The following ATXN10 variants were observed in gnomAD, a reference collection of about 807,000 sequenced individuals.
ATXN10 encodes the protein ataxin-10.
A neutral mutation model predicts 52.9 loss-of-function variants in ATXN10; 28 were observed. That is an observed-to-expected ratio of 0.53 (90% CI 0.39 to 0.73). The LOEUF is 0.73. ATXN10 is among the 30% of genes least tolerant of loss of function. ATXN10 has a pLI of 0.00. For missense variants in ATXN10, 565 were observed against 577.0 expected (o/e 0.98, Z 0.21); for synonymous variants, 226 against 221.5 (o/e 1.02, Z -0.18).
chr22:45,832,916 C>A (rs946849509), intron 10 of ATXN10, among the ~76,000 whole-genome samples: 6 of 152,194 alleles, frequency 3.9e-5, no homozygotes, highest in Admixed American at 3.9e-4. Flanking sequence ...ACCAGCATGA[C>A]CACTTGGCTT....
chr22:45,764,234 C>T (rs1485489399), intron 9 of ATXN10, among the ~76,000 whole-genome samples: 5 of 151,772 alleles, frequency 3.3e-5, no homozygotes, highest in African/African-American at 9.7e-5. Flanking sequence ...CGCTACCCCC[C>T]AGCCCCCACC....
chr22:45,755,452 T>C (rs1735542048), intron 9 of ATXN10, among the ~76,000 whole-genome samples: 1 of 152,218 alleles, frequency 6.6e-6, no homozygotes, highest in African/African-American at 2.4e-5. Flanking sequence ...GTGAAGGTTC[T>C]CTGGCCGTTC....
chr22:45,751,346 A>G (rs1421961434), intron 9 of ATXN10, among the ~76,000 whole-genome samples: 2 of 152,194 alleles, frequency 1.3e-5, no homozygotes, highest in South Asian at 4.1e-4. Context: ...TTAAAAGTAA[A>G]ACGTTAGCAT....
At chr22:45,738,579 T>C in intron 7 of ATXN10, 152 bp from the exon 8 acceptor site, 2 of 665,724 alleles carry the variant, frequency 3.0e-6, no homozygotes, top group Non-Finnish European at 5.1e-6. Flanking sequence ...TACTTCTGTT[T>C]TGTTCTTCAT....
chr22:45,694,697 G>C (rs1018289844), intron 3 of ATXN10, among the ~76,000 whole-genome samples: 1 of 151,998 alleles, frequency 6.6e-6, no homozygotes, highest in African/African-American at 2.4e-5. Flanking sequence ...CAGGAGAGTT[G>C]ATTGAACCTA....
chr22:45,791,040 G>A (rs965277920), intron 9 of ATXN10, among the ~76,000 whole-genome samples: 3 of 152,064 alleles, frequency 2.0e-5, no homozygotes, highest in African/African-American at 7.2e-5. Context: ...AAAATTATTT[G>A]TTGAGATGGG....
chr22:45,804,130 C>T (rs1441838151), intron 9 of ATXN10, among the ~76,000 whole-genome samples: 3 of 152,182 alleles, frequency 2.0e-5, no homozygotes, highest in Admixed American at 6.5e-5. Context: ...GTCATATTGT[C>T]GGCAGTTTCT....
chr22:45,672,423 C>T (rs1922498017), intron 1 of ATXN10: 2 of 229,434 alleles, frequency 8.7e-6, no homozygotes, highest in Non-Finnish European at 1.6e-5. Flanking sequence ...GGGTGCGAAG[C>T]CGCGATCCCG....
In ATXN10 at chr22:45,738,839, GGTGA is replaced by G; in HGVS notation, c.1003+5_1003+8del. 1 of 1,610,546 alleles carries G rather than the reference GGTGA, an allele frequency of 6.2e-7. No individual in the cohort carries two copies. Among genetic ancestry groups the G allele is most frequent in the South Asian group, 1.1e-5 (1 of 90,998 alleles). On this transcript the variant is annotated splice_donor_variant and splice_donor_region_variant and intron_variant, in intron 8 of 11. Transcript: ENST00000252934. LOFTEE classifies it high-confidence loss of function. ...CCCTGGCTTGCTGGAAAGAGTGATT[GGTGA>G]GTGAAATATCACACATTGTATTTTT...
At chr22:45,807,069 C>T (rs973373974) in intron 10 of ATXN10, 47 bp downstream of exon 10, 8 of 1,512,072 alleles carry the variant, frequency 5.3e-6, no homozygotes, top group Middle Eastern at 1.7e-4. Flanking sequence ...AGCCGGGGCC[C>T]TTAGCAAAAC....
In ATXN10 at chr22:45,780,046, A is replaced by G. The variant is rs1737727459; in HGVS notation, c.1174-26913A>G. ...GTATTCTACATTCGTGAAATTCCAA[A>G]TAAAAACGCTTATACAAACAAAAAG... On this transcript the variant is annotated intron_variant, in intron 9 of 11. Transcript: ENST00000252934. This position sits in a 1 kb window ranked among gnomAD's most constrained non-coding sequence, Gnocchi z 4.0. Among the ~76,000 whole-genome samples the G allele has an allele frequency of 2.6e-5, 4 of 152,072 alleles. No homozygotes were observed. Among genetic ancestry groups the G allele is most frequent in the Admixed American group, 2.6e-4 (4 of 15,266 alleles).
Position 45,816,422 on chromosome 22 carries a change from T to G in ATXN10, c.1237+9400T>G, listed in dbSNP as rs1928463857. 6.6e-6 allele frequency among the ~76,000 whole-genome samples: 1 copy of G among 152,172 alleles called. No homozygotes were observed. The highest frequency in any genetic ancestry group is 2.1e-4 in the South Asian group (1 of 4,820). ...GGTCATGTATGTCTTCCTCTCAGAG[T>G]TCTTTCTAGATCCCTTCAGTGAGCT... On this transcript the variant is annotated intron_variant, in intron 10 of 11. Coordinates refer to ENST00000252934, the MANE Select transcript of ATXN10 (RefSeq NM_013236.4). This position sits in a 1 kb window ranked among gnomAD's most constrained non-coding sequence, Gnocchi z 5.8.
At chr22:45,743,698 G>A (rs1925624219) in intron 9 of ATXN10, among the ~76,000 whole-genome samples, 1 of 152,130 alleles carries the variant, frequency 6.6e-6, no homozygotes, top group African/African-American at 2.4e-5. Flanking sequence ...AAGACAAAAG[G>A]GACTGATGAT....
At chr22:45,755,093 A>G (rs1926126019) in intron 9 of ATXN10, among the ~76,000 whole-genome samples, 1 of 152,192 alleles carries the variant, frequency 6.6e-6, no homozygotes, top group Admixed American at 6.5e-5. Context: ...TGTGCTGGTC[A>G]CATGTGTGGC....
intron 9 of ATXN10, among the ~76,000 whole-genome samples, chr22:45,778,992 G>A (rs920216199): frequency 6.6e-6 from 1 of 152,062 alleles, no homozygotes; most frequent in Non-Finnish European, 1.5e-5. Context: ...ATGAGTTGGG[G>A]AAAATAATTT....
intron 9 of ATXN10, among the ~76,000 whole-genome samples, chr22:45,758,457 T>G (rs1170811155): frequency 6.6e-6 from 1 of 152,244 alleles, no homozygotes; most frequent in African/African-American, 2.4e-5. Context: ...TAATTCTTTT[T>G]GGTTCAAAAG....
At position 45,825,976 on chromosome 22, in the gene ATXN10, G is replaced by A. The variant is rs1404248803; in HGVS notation, c.1238-17015G>A. ...ACTTGGGAGGCTGAGGTGGGAGGAT[G>A]TCTTGAGCCCAGGAGGTGGAGGTTG... On this transcript the variant is annotated intron_variant, in intron 10 of 11. Coordinates refer to ENST00000252934, the MANE Select transcript of ATXN10 (RefSeq NM_013236.4). The surrounding 1 kb of genome is among the most constrained non-coding windows in gnomAD (Gnocchi z 4.5). Among the ~76,000 whole-genome samples the A allele has an allele frequency of 2.0e-5, 3 of 152,048 alleles. No homozygotes were observed. Among genetic ancestry groups the A allele is most frequent in the Non-Finnish European group, 4.4e-5 (3 of 68,006 alleles).
chr22:45,761,911 G>C (rs1024809672), intron 9 of ATXN10, among the ~76,000 whole-genome samples: 1 of 152,074 alleles, frequency 6.6e-6, no homozygotes, highest in Non-Finnish European at 1.5e-5. Flanking sequence ...GTATAATCTG[G>C]CTTTTAAAAA....
chr22:45,842,518 A>G lies in ATXN10; in HGVS notation c.1238-473A>G, dbSNP rs1007135473. 1.5e-4 allele frequency among the ~76,000 whole-genome samples: 23 copies of G among 152,218 alleles called. No individual in the cohort carries two copies. The highest frequency in any genetic ancestry group is 5.1e-4 in the African/African-American group (21 of 41,450). ...TTTCTAACTGGGCTCCCATTAAAAC[A>G]AGATGATTTTCCTGATTCTAACCTG... On this transcript the variant is annotated intron_variant, in intron 10 of 11. Transcript: ENST00000252934. This position sits in a 1 kb window ranked among gnomAD's most constrained non-coding sequence, Gnocchi z 4.8.
Sources: allele counts gnomAD v4.1 joint callset (sites outside exome capture counted in the v4.1 genomes callset), GRCh38; gene constraint gnomAD v4.1.1; non-coding constraint Gnocchi (gnomAD v3.1); transcripts MANE v1.5; gene names NCBI Gene and HGNC (gene_info 2026-07-23, HGNC 2026-07-21).